The following DPYSL2 variants were observed in gnomAD, a reference collection of about 807,000 sequenced individuals.
DPYSL2 encodes the protein dihydropyrimidinase-related protein 2.
A neutral mutation model predicts 69.9 loss-of-function variants in DPYSL2; 13 were observed. That is an observed-to-expected ratio of 0.19 (90% CI 0.12 to 0.30). The LOEUF (loss-of-function observed/expected upper bound fraction) is 0.30, where lower values mean the gene tolerates loss of function less well. Ranked by LOEUF, DPYSL2 falls within the 10% of genes least tolerant of loss-of-function variation. The pLI, the probability that DPYSL2 is intolerant of heterozygous loss-of-function variation, is 1.00. For synonymous variants in DPYSL2, 326 were observed against 359.1 expected (o/e 0.91, Z 1.04); for missense variants, 587 against 918.9 (o/e 0.64, Z 4.67).
At chr8:26,578,668 C>CT in intron 1 of DPYSL2, 1 of 1,003,942 alleles carries the variant, frequency 1.0e-6, no homozygotes, top group East Asian at 8.4e-5. Flanking sequence ...GGGCTGCGTG[C>CT]TGCGAGGCTG....
chr8:26,553,897 G>C (rs1482825027), intron 1 of DPYSL2, among the ~76,000 whole-genome samples: 1 of 111,766 alleles, frequency 8.9e-6, no homozygotes, highest in Non-Finnish European at 1.8e-5. Context: ...TTATTTTTGG[G>C]CTTTTTTTTT....
chr8:26,577,814 C>T (rs2129714540), intron 1 of DPYSL2: 1 of 997,852 alleles, frequency 1.0e-6, no homozygotes, highest in South Asian at 4.2e-5. Context: ...CCCCACCGGC[C>T]TAAATTTGCA....
At chr8:26,539,284 C>G (rs906836226) in intron 1 of DPYSL2, among the ~76,000 whole-genome samples, 3 of 152,220 alleles carry the variant, frequency 2.0e-5, no homozygotes, top group African/African-American at 7.2e-5. Context: ...TCCCTCTCCC[C>G]CTGCCCAGCA....
intron 3 of DPYSL2, among the ~76,000 whole-genome samples, chr8:26,594,289 CCTCT>C (rs138742839): frequency 4.0e-5 from 6 of 150,438 alleles, no homozygotes; most frequent in African/African-American, 1.2e-4. Context: ...AAAAGATCTC[CCTCT>C]CTCTCTCTCT....
chr8:26,527,617 T>G (rs1808501684), intron 1 of DPYSL2, among the ~76,000 whole-genome samples: 1 of 152,012 alleles, frequency 6.6e-6, no homozygotes, highest in Non-Finnish European at 1.5e-5. Flanking sequence ...AAAAATGAAT[T>G]GGGGGGGCTG....
In DPYSL2 at chr8:26,582,270, C is replaced by T. The variant is rs1238788487; in HGVS notation, c.443+213C>T. ...AGCAACAATTAATGTACACCCGTTG[C>T]ATTAGGTATTATGTAATTTACTATT... On this transcript the variant is annotated intron_variant, in intron 2 of 13. Coordinates refer to ENST00000521913, the MANE Select transcript of DPYSL2 (RefSeq NM_001197293.3). The surrounding 1 kb of genome is among the most constrained non-coding windows in gnomAD (Gnocchi z 4.1). Among the ~76,000 whole-genome samples, 1 of 152,200 alleles carries T rather than the reference C, an allele frequency of 6.6e-6. No individual in the cohort carries two copies. Among genetic ancestry groups the T allele is most frequent in the Non-Finnish European group, 1.5e-5 (1 of 68,046 alleles).
rs1340211140 is a variant in DPYSL2 at position 26,586,564 on chromosome 8, CCCCACCACAGGAGCA to C, written c.628+2582_628+2596del. On this transcript the variant is annotated intron_variant, in intron 3 of 13. Coordinates refer to ENST00000521913, the MANE Select transcript of DPYSL2 (RefSeq NM_001197293.3). This position sits in a 1 kb window ranked among gnomAD's most constrained non-coding sequence, Gnocchi z 4.7. The stretch of plus-strand genomic sequence containing the variant: ...TTTTGACTCTTTCCTGCCTTCCCTT[CCCCACCACAGGAGCA>C]TCACCTTCTTGCCACCACCCCGAAT... Among the ~76,000 whole-genome samples the C allele has an allele frequency of 1.8e-4, 27 of 152,206 alleles. No individual in the cohort carries two copies. Among genetic ancestry groups the C allele is most frequent in the Non-Finnish European group, 3.1e-4 (21 of 68,042 alleles).
chr8:26,566,624 T>A (rs547907132), intron 1 of DPYSL2, among the ~76,000 whole-genome samples: 5 of 152,038 alleles, frequency 3.3e-5, no homozygotes, highest in African/African-American at 4.8e-5. Flanking sequence ...GAGTAGATGA[T>A]GAGAAGAAAG....
intron 1 of DPYSL2, among the ~76,000 whole-genome samples, chr8:26,529,303 C>CTATCTATCTATCATCT (rs767380603): frequency 6.8e-6 from 1 of 147,478 alleles, no homozygotes; most frequent in African/African-American, 2.6e-5. Flanking sequence ...ATCTATCTAT[C>CTATCTATCTATCATCT]ATCTATCTAT....
At chr8:26,541,520 C>T (rs1800683773) in intron 1 of DPYSL2, among the ~76,000 whole-genome samples, 1 of 152,116 alleles carries the variant, frequency 6.6e-6, no homozygotes, top group Non-Finnish European at 1.5e-5. Context: ...ATAAATCACA[C>T]AGGGAAAGGT....
Position 26,643,715 on chromosome 8 carries a change from C to A in DPYSL2, c.1283+120C>A. The A allele has an allele frequency of 6.9e-7, 1 of 1,444,094 alleles. No homozygotes were observed. 89.5% of individuals were successfully genotyped at this position (1,444,094 alleles called of 1,614,324 possible). A position where few individuals can be genotyped will look rare whatever the true frequency, so the allele number is the denominator to read the frequency against. On this transcript the variant is annotated intron_variant, in intron 9 of 13. Transcript: ENST00000521913. The surrounding 1 kb of genome is among the most constrained non-coding windows in gnomAD (Gnocchi z 6.5). The stretch of plus-strand genomic sequence containing the variant: ...CATAAAACTGGGAGACCCTTGTTCA[C>A]CAAACTAGGTTGGCTACATGAGTAC...
Position 26,586,983 on chromosome 8 carries a change from A to C in DPYSL2, c.628+3000A>C, listed in dbSNP as rs570284810. Among the ~76,000 whole-genome samples the C allele has an allele frequency of 6.6e-6, 1 of 152,330 alleles. No homozygotes were observed. Among genetic ancestry groups the C allele is most frequent in the South Asian group, 2.1e-4 (1 of 4,820 alleles). ...GAGAAAAGTACTAACTACTTTTGCA[A>C]ATAACCACCTATGTTTACTGACCTC... On this transcript the variant is annotated intron_variant, in intron 3 of 13. Transcript: ENST00000521913. The surrounding 1 kb of genome is among the most constrained non-coding windows in gnomAD (Gnocchi z 4.7).
At chr8:26,518,595 C>G (rs940525953) in intron 1 of DPYSL2, among the ~76,000 whole-genome samples, 1 of 152,130 alleles carries the variant, frequency 6.6e-6, no homozygotes, top group Non-Finnish European at 1.5e-5. Flanking sequence ...CATTAAACAC[C>G]AACTTCTCAT....
At chr8:26,528,051 C>T (rs959088880) in intron 1 of DPYSL2, among the ~76,000 whole-genome samples, 1 of 152,066 alleles carries the variant, frequency 6.6e-6, no homozygotes, top group Non-Finnish European at 1.5e-5. Flanking sequence ...TGATTCTCCT[C>T]GACCTCCCAA....
Position 26,549,495 on chromosome 8 carries a change from G to A in DPYSL2, c.355-32474G>A, listed in dbSNP as rs1397202519. 2.0e-5 allele frequency among the ~76,000 whole-genome samples: 3 copies of A among 151,948 alleles called. No homozygotes were observed. The South Asian group carries it at 6.2e-4, about 32-fold the overall frequency. ...GAGCAGAAAGACAGAAAGGGACAGG[G>A]GACATACTGGAAGCCATAATGACTG... On this transcript the variant is annotated intron_variant, in intron 1 of 13. Coordinates refer to ENST00000521913, the MANE Select transcript of DPYSL2 (RefSeq NM_001197293.3).
chr8:26,601,538 C>T (rs550504171), intron 3 of DPYSL2, among the ~76,000 whole-genome samples: 12 of 152,214 alleles, frequency 7.9e-5, no homozygotes, highest in South Asian at 2.1e-4. Context: ...CCAACATGCC[C>T]GGCTAATTTT....
intron 1 of DPYSL2, among the ~76,000 whole-genome samples, chr8:26,522,372 T>C (rs572122748): frequency 1.3e-5 from 2 of 152,330 alleles, no homozygotes; most frequent in Admixed American, 6.5e-5. Flanking sequence ...TGCCTAGAAG[T>C]AGAATTGCTG....
chr8:26,532,271 T>C (rs769352494), intron 1 of DPYSL2, among the ~76,000 whole-genome samples: 3 of 151,912 alleles, frequency 2.0e-5, no homozygotes, highest in Non-Finnish European at 2.9e-5. Flanking sequence ...TCTGGTGGAG[T>C]TAATTTTTAG....
chr8:26,634,918 A>G lies in DPYSL2; in HGVS notation c.1126+18A>G. ...GAAGAAGGGTGAGTGCTGTGGCCGG[A>G]CTGGCTGATGGCAGGTGGGGAGGTT... On this transcript the variant is annotated intron_variant, in intron 8 of 13. Coordinates refer to ENST00000521913, the MANE Select transcript of DPYSL2 (RefSeq NM_001197293.3). 1 of 1,613,818 alleles carries G rather than the reference A, an allele frequency of 6.2e-7. No homozygotes were observed. Among genetic ancestry groups the G allele is most frequent in the East Asian group, 2.2e-5 (1 of 44,872 alleles).
Sources: allele counts gnomAD v4.1 joint callset (sites outside exome capture counted in the v4.1 genomes callset), GRCh38; gene constraint gnomAD v4.1.1; non-coding constraint Gnocchi (gnomAD v3.1); transcripts MANE v1.5; gene names NCBI Gene and HGNC (gene_info 2026-07-23, HGNC 2026-07-21).